The following RRBP1 variants were observed in gnomAD, a reference collection of about 807,000 sequenced individuals.
The protein encoded by RRBP1 is ribosome binding protein 1.
RRBP1 carries 94 observed loss-of-function variants against 165.2 expected under a neutral mutation model. The observed-to-expected ratio is 0.57, with a 90% CI of 0.48 to 0.68. RRBP1 has a LOEUF of 0.68. Ranked by LOEUF, RRBP1 falls within the 30% of genes least tolerant of loss-of-function variation. RRBP1 has a pLI of 0.00. For missense variants in RRBP1, 1,676 were observed against 1,763.0 expected (o/e 0.95, Z 0.88); for synonymous variants, 680 against 714.5 (o/e 0.95, Z 0.77).
intron 23 of RRBP1, 107 bp from the exon 24 acceptor site, chr20:17,614,987 C>A: frequency 7.9e-7 from 1 of 1,262,342 alleles, no homozygotes; most frequent in Non-Finnish European, 1.1e-6. Context: ...TCTGGGGACA[C>A]AAGGAAGGCA....
rs1438450927 is a variant in RRBP1 at position 17,641,920 on chromosome 20, C to CTAGAAATACCCAGAGA, written c.2062-17_2062-2dup. 1.9e-6 allele frequency: 3 copies of CTAGAAATACCCAGAGA among 1,612,810 alleles called. No homozygotes were observed. The highest frequency in any genetic ancestry group is 2.5e-6 in the Non-Finnish European group (3 of 1,179,036). On this transcript the variant is annotated splice_acceptor_variant, in intron 4 of 24. Transcript: ENST00000377813. LOFTEE classifies it high-confidence loss of function. ...CCACAGGGTCACCCTTCTGAGTGGC[C>CTAGAAATACCCAGAGA]TAGAAATACCCAGAGATGCGTTAAC...
At chr20:17,672,012 G>A (rs1363577009) in intron 2 of RRBP1, among the ~76,000 whole-genome samples, 1 of 152,222 alleles carries the variant, frequency 6.6e-6, no homozygotes, top group Non-Finnish European at 1.5e-5. Context: ...TGTGCCAGGA[G>A]GCTGGCTGTG....
chr20:17,651,407 C>T (rs2036554662), intron 3 of RRBP1, among the ~76,000 whole-genome samples: 1 of 152,228 alleles, frequency 6.6e-6, no homozygotes, highest in Non-Finnish European at 1.5e-5. Context: ...TGTAGAGACA[C>T]ACAACAGTGT....
chr20:17,616,118 C>T, intron 21 of RRBP1, 109 bp from the exon 22 acceptor site: 2 of 892,208 alleles, frequency 2.2e-6, no homozygotes, highest in Non-Finnish European at 3.4e-6. Context: ...TCCCCTTTCC[C>T]TGCCCCAACG....
intron 7 of RRBP1, 130 bp from the exon 8 acceptor site, chr20:17,633,743 G>A (rs2036197591): frequency 5.6e-6 from 5 of 887,262 alleles, no homozygotes; most frequent in South Asian, 5.2e-5. Context: ...CATTACCAAA[G>A]CCACTTTTCC....
At chr20:17,656,042 C>T (rs2036639633) in intron 3 of RRBP1, among the ~76,000 whole-genome samples, 1 of 152,292 alleles carries the variant, frequency 6.6e-6, no homozygotes, top group African/African-American at 2.4e-5. Flanking sequence ...CAGGAGGGGA[C>T]GTCTCCAGGA....
rs562689972 is a variant in RRBP1, at chr20:17,615,622, C to A, written c.3952-93G>T. 45 of 997,960 alleles carry A rather than the reference C, an allele frequency of 4.5e-5. 1 individual carries two copies. Among genetic ancestry groups the A allele is most frequent in the Middle Eastern group, 2.1e-4 (1 of 4,668 alleles). The allele number at this position is 997,960 out of a possible 1,614,324, so 61.8% of individuals were successfully genotyped here. A position where few individuals can be genotyped will look rare whatever the true frequency, so the allele number is the denominator to read the frequency against. On this transcript the variant is annotated intron_variant, in intron 22 of 24. Transcript: ENST00000377813. The stretch of plus-strand genomic sequence containing the variant: ...CGAGCACGCCTGGGGACCAGGGGGC[C>A]CCCCCAGCCTGATGGAGCAACAGCT...
At chr20:17,618,514 C>T (rs144982920) in intron 20 of RRBP1, 82 bp downstream of exon 20, 15 of 1,110,352 alleles carry the variant, frequency 1.4e-5, no homozygotes, top group Non-Finnish European at 1.9e-5. Context: ...TGAGTGGACA[C>T]AAACGCATGA....
At chr20:17,644,553 A>G (rs2036428684) in intron 3 of RRBP1, among the ~76,000 whole-genome samples, 2 of 152,362 alleles carry the variant, frequency 1.3e-5, no homozygotes, top group Non-Finnish European at 1.5e-5. Context: ...TCCAGGAGAC[A>G]GAGGTCACTT....
At chr20:17,670,439 T>C (rs1406922247) in intron 2 of RRBP1, among the ~76,000 whole-genome samples, 1 of 67,906 alleles carries the variant, frequency 1.5e-5, no homozygotes, top group Admixed American at 2.1e-4. Context: ...AGCAATTACC[T>C]TTAAAAAAAA....
rs78525858 is a variant in RRBP1 at position 17,646,416 on chromosome 20, G to C, written c.1913-3289C>G. Among the ~76,000 whole-genome samples, 177 of 152,346 alleles carry C rather than the reference G, an allele frequency of 1.2e-3. 2 individuals are homozygous for C. Among genetic ancestry groups the C allele is most frequent in the African/African-American group, 4.2e-3 (173 of 41,578 alleles). ...CAGTGGGGCACCAAGGTCAGAGCAA[G>C]GCCTCTGGGACCAGGTGGCCTGGAG... is the stretch of plus-strand genomic sequence containing the variant. On this transcript the variant is annotated intron_variant, in intron 3 of 24. Transcript: ENST00000377813.
chr20:17,670,045 G>T (rs75873861), intron 2 of RRBP1, among the ~76,000 whole-genome samples: 1 of 152,066 alleles, frequency 6.6e-6, no homozygotes, highest in African/African-American at 2.4e-5. Flanking sequence ...TCTTTAGTGT[G>T]AGATTTACTA....
chr20:17,666,204 T>C (rs1254925839), intron 2 of RRBP1, among the ~76,000 whole-genome samples: 2 of 152,194 alleles, frequency 1.3e-5, no homozygotes, highest in Non-Finnish European at 1.5e-5. Flanking sequence ...AGCACTACAC[T>C]GATTTAAATG....
At chr20:17,622,882 A>T (rs1266394042) in intron 13 of RRBP1, 1 of 152,164 alleles carries the variant, frequency 6.6e-6, no homozygotes, top group African/African-American at 2.4e-5. Context: ...AACTCCCCCA[A>T]GCAGAGTCCT....
At position 17,635,591 on chromosome 20, in the gene RRBP1, A is replaced by G; in HGVS notation, c.2411T>C (p.Ile804Thr). ...QLARLQQENS[I>T]LRDALNQATS... is the part of the protein sequence containing the mutation. The stretch of plus-strand genomic sequence containing the variant: ...GGCCTGGTTCAAGGCATCCCGCAGG[A>G]TGGAGTTCTCCTGCTGCAGGCGGGC... The change falls in exon 7 of 25, where the codon ATC becomes ACC. Residue 804 changes from isoleucine (I) to threonine (T), a missense_variant. Transcript: ENST00000377813. 1.2e-6 allele frequency: 2 copies of G among 1,613,310 alleles called. No individual in the cohort carries two copies. Among genetic ancestry groups the G allele is most frequent in the Non-Finnish European group, 1.7e-6 (2 of 1,179,826 alleles).
At chr20:17,644,648 CCCT>C (rs1329356210) in intron 3 of RRBP1, among the ~76,000 whole-genome samples, 3 of 152,202 alleles carry the variant, frequency 2.0e-5, no homozygotes, top group African/African-American at 4.8e-5. Context: ...GGACATTTCC[CCCT>C]CCTGACTCAG....
chr20:17,627,723 A>G, intron 9 of RRBP1, 41 bp from the exon 10 acceptor site: 1 of 1,543,698 alleles, frequency 6.5e-7, no homozygotes, highest in Non-Finnish European at 8.8e-7. Flanking sequence ...AGAGACTGCA[A>G]ACCCCAGGGG....
At chr20:17,664,209 G>A (rs1016961411) in intron 2 of RRBP1, among the ~76,000 whole-genome samples, 5 of 152,200 alleles carry the variant, frequency 3.3e-5, no homozygotes, top group Admixed American at 1.3e-4. Context: ...ACCAGACAGT[G>A]GATCTGAAAG....
chr20:17,644,495 T>A (rs2036427834), intron 3 of RRBP1, among the ~76,000 whole-genome samples: 1 of 152,224 alleles, frequency 6.6e-6, no homozygotes, highest in Non-Finnish European at 1.5e-5. Context: ...TTCCCAGCCT[T>A]CCTGTCTTCC....
Sources: allele counts gnomAD v4.1 joint callset (sites outside exome capture counted in the v4.1 genomes callset), GRCh38; gene constraint gnomAD v4.1.1; transcripts MANE v1.5; gene names NCBI Gene and HGNC (gene_info 2026-07-23, HGNC 2026-07-21).